Variants in ZFHX3 observed in about 807,000 individuals in gnomAD.
ZFHX3 encodes zinc finger homeobox protein 3.
A neutral mutation model predicts 279.1 loss-of-function variants in ZFHX3; 42 were observed. That is an observed-to-expected ratio of 0.15 (90% CI 0.12 to 0.19). The LOEUF (loss-of-function observed/expected upper bound fraction) is 0.19. ZFHX3 is among the 10% of genes least tolerant of loss of function. The pLI, the probability that ZFHX3 is intolerant of heterozygous loss-of-function variation, is 1.00. For synonymous variants in ZFHX3, 2,293 were observed against 1,957.8 expected (o/e 1.17, Z -4.52); for missense variants, 4,981 against 4,754.0 (o/e 1.05, Z -1.40).
At chr16:73,539,433 C>CTTTTTTTTTTTTTTTTTTTTTTTTT (rs1162434013) in intron 2 of ZFHX3, among the ~76,000 whole-genome samples, 2 of 65,074 alleles carry the variant, frequency 3.1e-5, no homozygotes, top group Non-Finnish European at 5.8e-5. Context: ...TCCTCTTCTT[C>CTTTTTTTTTTTTTTTTTTTTTTTTT]TTTTTTTTTT....
rs182394454 is a variant in ZFHX3 at position 73,737,500 on chromosome 16, G to A, written c.-1607-57260C>T. On this transcript the variant is annotated intron_variant, in intron 1 of 17. Transcript: ENST00000641206. ...CTCTGAAGTTTCTGAGAAAATGCCCGGATATTTTACCATCATGAAGAGTAA... is the reference window on the plus strand; with the variant it reads ...CTCTGAAGTTTCTGAGAAAATGCCCAGATATTTTACCATCATGAAGAGTAA... Among the ~76,000 whole-genome samples the A allele has an allele frequency of 1.5e-4, 23 of 152,136 alleles. No homozygotes were observed. The East Asian group carries it at 1.5e-3, about 10-fold the overall frequency.
At chr16:73,553,169 C>G (rs1432883132) in intron 2 of ZFHX3, among the ~76,000 whole-genome samples, 1 of 150,962 alleles carries the variant, frequency 6.6e-6, no homozygotes, top group African/African-American at 2.4e-5. Flanking sequence ...TAAATTGCTA[C>G]CTGGAAAAGA....
chr16:72,907,303 G>A (rs1450572158), intron 3 of ZFHX3, among the ~76,000 whole-genome samples: 3 of 152,030 alleles, frequency 2.0e-5, no homozygotes, highest in Non-Finnish European at 2.9e-5. Flanking sequence ...TCTTTCTTCC[G>A]GCTTTGATTC....
chr16:73,637,603 T>A (rs2052539144), intron 2 of ZFHX3, among the ~76,000 whole-genome samples: 1 of 152,162 alleles, frequency 6.6e-6, no homozygotes, highest in East Asian at 1.9e-4. Context: ...TAGTGTTGGG[T>A]ACATGAGTAG....
intron 1 of ZFHX3, among the ~76,000 whole-genome samples, chr16:73,763,922 G>T (rs563833816): frequency 7.6e-6 from 1 of 130,782 alleles, no homozygotes; most frequent in Non-Finnish European, 1.6e-5. Flanking sequence ...CAGGGGCAGG[G>T]GGTGGGAGGA....
intron 2 of ZFHX3, among the ~76,000 whole-genome samples, chr16:73,672,056 A>G (rs1184737474): frequency 1.3e-5 from 2 of 152,102 alleles, no homozygotes; most frequent in Non-Finnish European, 2.9e-5. Context: ...AAAAAAATAC[A>G]TAAAAGGAAA....
intron 7 of ZFHX3, among the ~76,000 whole-genome samples, chr16:73,095,158 C>T (rs1188284288): frequency 6.6e-6 from 1 of 152,132 alleles, no homozygotes; most frequent in East Asian, 1.9e-4. Context: ...CTCCTGAGCT[C>T]AAGTGATCCT....
chr16:73,682,115 G>C (rs572540123), intron 1 of ZFHX3, among the ~76,000 whole-genome samples: 12 of 152,270 alleles, frequency 7.9e-5, no homozygotes, highest in Admixed American at 5.2e-4. Context: ...TTAGAACTTA[G>C]GCTCTGAAGT....
chr16:72,808,125 C>T (rs901992821), intron 7 of ZFHX3: 2 of 152,162 alleles, frequency 1.3e-5, no homozygotes, highest in African/African-American at 4.8e-5. Flanking sequence ...AATACCCTCC[C>T]GTGGCATGAT....
chr16:73,137,406 G>A (rs975030402), intron 6 of ZFHX3: 3 of 151,968 alleles, frequency 2.0e-5, no homozygotes, highest in African/African-American at 7.3e-5. Context: ...TAATGAAATC[G>A]CCCCCAGAGT....
intron 5 of ZFHX3, among the ~76,000 whole-genome samples, chr16:73,151,269 C>A (rs950357650): frequency 6.6e-6 from 1 of 151,936 alleles, no homozygotes; most frequent in East Asian, 1.9e-4. Context: ...TAAAATAAAA[C>A]GTACAACACA....
chr16:73,052,585 A>G (rs1006052017), upstream of ZFHX3, among the ~76,000 whole-genome samples: 4 of 152,212 alleles, frequency 2.6e-5, no homozygotes, highest in African/African-American at 9.6e-5. Flanking sequence ...CCAGTGTTTT[A>G]GAATTTGGAT....
At chr16:73,583,523 CATAATTTGGG>C (rs1364649874) in intron 2 of ZFHX3, among the ~76,000 whole-genome samples, 1 of 152,158 alleles carries the variant, frequency 6.6e-6, no homozygotes, top group Non-Finnish European at 1.5e-5. Flanking sequence ...ATAACGCCCA[CATAATTTGGG>C]ATCATCAAAG....
At chr16:73,328,228 C>G (rs1237393921) in intron 3 of ZFHX3, among the ~76,000 whole-genome samples, 1 of 152,054 alleles carries the variant, frequency 6.6e-6, no homozygotes, top group Non-Finnish European at 1.5e-5. Flanking sequence ...CGGTGGGGAA[C>G]AGAGAAGTGG....
chr16:73,219,839 A>C (rs769062617), intron 5 of ZFHX3, among the ~76,000 whole-genome samples: 1 of 152,174 alleles, frequency 6.6e-6, no homozygotes, highest in Non-Finnish European at 1.5e-5. Context: ...TAATCCCAGA[A>C]CTTTGGGAAG....
Position 73,743,799 on chromosome 16 carries a change from T to C in ZFHX3, c.-1607-63559A>G, listed in dbSNP as rs552886244. On this transcript the variant is annotated intron_variant, in intron 1 of 17. Coordinates refer to the ZFHX3 transcript ENST00000641206. The stretch of plus-strand genomic sequence containing the variant: ...CACGCTGTCACCTGGAAAGAAATGA[T>C]GGACAGAGCCCTCAGAAGCTTATGG... Among the ~76,000 whole-genome samples, 68 of 152,272 alleles carry C rather than the reference T, an allele frequency of 4.5e-4. 1 individual carries two copies. In the South Asian group the frequency reaches 0.013, roughly 30 times the overall value.
At chr16:73,467,005 G>T (rs1262337736) in intron 2 of ZFHX3, among the ~76,000 whole-genome samples, 1 of 152,148 alleles carries the variant, frequency 6.6e-6, no homozygotes, top group African/African-American at 2.4e-5. Flanking sequence ...TGACATGTCT[G>T]GCCAGCTGCC....
rs538430473 is a variant in ZFHX3 at position 73,413,277 on chromosome 16, C to G, written c.-1291+42726G>C. Among the ~76,000 whole-genome samples, 8 of 152,310 alleles carry G rather than the reference C, an allele frequency of 5.3e-5. No individual in the cohort carries two copies. The East Asian group carries it at 1.3e-3, about 26-fold the overall frequency. On this transcript the variant is annotated intron_variant, in intron 3 of 17. Transcript: ENST00000641206. Reference sequence around the variant, plus strand: ...TCCAGACACAGAACAGAGCAAAGAACAGCACAGGAGTGAGAAAGTTCAAAG... The same window carrying G: ...TCCAGACACAGAACAGAGCAAAGAAGAGCACAGGAGTGAGAAAGTTCAAAG...
At chr16:73,433,467 G>A (rs1315303709) in intron 3 of ZFHX3, among the ~76,000 whole-genome samples, 3 of 152,182 alleles carry the variant, frequency 2.0e-5, no homozygotes, top group African/African-American at 7.2e-5. Flanking sequence ...CAATGAGGCA[G>A]ACCAGATGAC....
Sources: gnomAD v4.1 joint callset for allele counts (sites outside exome capture counted in the v4.1 genomes callset) on GRCh38, gnomAD v4.1.1 for gene constraint, MANE v1.5 for transcripts, NCBI Gene and HGNC (gene_info 2026-07-23, HGNC 2026-07-21) for gene names.